Variants in CHTF18 observed in about 807,000 individuals in gnomAD.
The protein encoded by CHTF18 is chromosome transmission fidelity factor 18.
In CHTF18, 151 loss-of-function variants were observed where a neutral mutation model predicts 113.4. The observed-to-expected ratio is 1.33, with a 90% confidence interval of 1.17 to 1.52. The LOEUF (loss-of-function observed/expected upper bound fraction) is 1.52, where lower values mean the gene tolerates loss of function less well. Among genes scored for constraint, CHTF18 ranks in the 40% most tolerant of loss-of-function variants. The pLI, the probability that CHTF18 is intolerant of heterozygous loss-of-function variation, is 0.00. For missense variants in CHTF18, 1,982 were observed against 1,381.6 expected, an observed-to-expected ratio of 1.43 and a Z score of -6.89; for synonymous variants, 916 against 598.8, an observed-to-expected ratio of 1.53 and a Z score of -7.74.
At chr16:790,032 C>A in intron 4 of CHTF18, 145 bp from the exon 5 acceptor site, 1 of 1,535,814 alleles carries the variant, frequency 6.5e-7, no homozygotes, top group Non-Finnish European at 8.7e-7. Flanking sequence ...GGCTTCATTC[C>A]TTTGGCACCC....
At chr16:791,803 G>T (rs370469005) in intron 8 of CHTF18, 48 bp from the exon 9 acceptor site, 6 of 1,553,456 alleles carry the variant, frequency 3.9e-6, no homozygotes, top group Non-Finnish European at 5.2e-6. Flanking sequence ...GGCCGGGAGC[G>T]TCCTGTAGGT....
intron 4 of CHTF18, 168 bp from the exon 5 acceptor site, chr16:790,009 G>C (rs909145888): frequency 6.5e-7 from 1 of 1,535,284 alleles, no homozygotes; most frequent in Non-Finnish European, 8.7e-7. Flanking sequence ...CTTTGCAGCT[G>C]ACCCATCTGG....
intron 4 of CHTF18, 133 bp downstream of exon 4, chr16:789,848 T>A: frequency 2.3e-6 from 3 of 1,329,400 alleles, no homozygotes; most frequent in Non-Finnish European, 3.1e-6. Context: ...AGGGGGAGGC[T>A]GCGTCATGGG....
rs1180528724 is a variant in CHTF18, at chr16:793,380, C to T, written c.1802+106C>T. 9.2e-6 allele frequency: 13 copies of T among 1,417,858 alleles called. 1 individual carries two copies. Among genetic ancestry groups the T allele is most frequent in the African/African-American group, 8.6e-5 (6 of 70,058 alleles). The allele number at this position is 1,417,858 out of a possible 1,614,324, so 87.8% of individuals were successfully genotyped here. A position where few individuals can be genotyped will look rare whatever the true frequency, so the allele number is the denominator to read the frequency against. On this transcript the variant is annotated intron_variant, in intron 14 of 21. Transcript: ENST00000262315. ...TACCTTCGAGGCGGGGACTCAGTGT[C>T]CTGAGCCCGCGGTTGCCTGGTCCAG...
chr16:792,893 C>T lies in CHTF18; in HGVS notation c.1573-73C>T, dbSNP rs1229142207. The T allele has an allele frequency of 3.9e-6, 6 of 1,529,002 alleles. No homozygotes were observed. In the East Asian group the frequency reaches 9.8e-5, roughly 25 times the overall value. The allele number at this position is 1,529,002 out of a possible 1,614,324, so 94.7% of individuals were successfully genotyped here. A position where few individuals can be genotyped will look rare whatever the true frequency, so the allele number is the denominator to read the frequency against. On this transcript the variant is annotated intron_variant, in intron 12 of 21. Transcript: ENST00000262315. The stretch of plus-strand genomic sequence containing the variant: ...TTCTGGCCCCTGTTTCCCTGCCCCT[C>T]CCCATGGAACCCTGGTAACCCCTGA...
chr16:796,742 C>T lies in CHTF18; in HGVS notation c.2482C>T (p.Pro828Ser). 1.2e-6 allele frequency: 2 copies of T among 1,604,738 alleles called. No homozygotes were observed. Among genetic ancestry groups the T allele is most frequent in the Non-Finnish European group, 1.7e-6 (2 of 1,179,400 alleles). The change falls in exon 19 of 22, where the codon CCT (proline) becomes TCT (serine). Residue 828 changes from proline (P) to serine (S), a missense_variant. Physicochemically the swap from Pro to Ser is moderately conservative, Grantham distance 74. Transcript: ENST00000262315. ...EPNVEELCRF[P>S]ELPARKPLTY... ...GAACGTGGAGGAACTCTGCCGCTTC[C>T]CTGAGCTGCCTGCCCGCAAGCCCCT...
At position 788,668 on chromosome 16, in the gene CHTF18, T is replaced by A; in HGVS notation, c.-17T>A. ...GGCGCGGGAGGTTCGGAGCGGGAGC[T>A]CGGGCTCGCGGACGGTATGGAGGAC... On this transcript the variant is annotated 5_prime_UTR_variant, in exon 1 of 22. Transcript: ENST00000262315. 6.6e-7 allele frequency: 1 copy of A among 1,518,408 alleles called. No homozygotes were observed. The highest frequency in any genetic ancestry group is 1.4e-5 in the African/African-American group (1 of 69,538). 94.1% of individuals were successfully genotyped at this position (1,518,408 alleles called of 1,614,324 possible).
chr16:797,158 T>C (rs1475065947), intron 20 of CHTF18, 66 bp downstream of exon 20: 1 of 1,438,526 alleles, frequency 7.0e-7, no homozygotes, highest in African/African-American at 1.4e-5. Flanking sequence ...GCTAGGGCAG[T>C]CATGAGGCGG....
At chr16:790,440 C>G in intron 6 of CHTF18, 41 bp downstream of exon 6, 2 of 1,611,540 alleles carry the variant, frequency 1.2e-6, no homozygotes, top group Non-Finnish European at 1.7e-6. Flanking sequence ...CCCTTGTTGG[C>G]TCTTGCACCA....
intron 15 of CHTF18, 89 bp downstream of exon 15, chr16:794,290 CG>C: frequency 2.1e-6 from 3 of 1,457,714 alleles, no homozygotes; most frequent in Non-Finnish European, 1.9e-6. Context: ...CCCGTATGGA[CG>C]GGGAGGCGCT....
At chr16:791,436 G>A (rs931206342) in intron 8 of CHTF18, 66 bp downstream of exon 8, 24 of 1,497,294 alleles carry the variant, frequency 1.6e-5, no homozygotes, top group Admixed American at 2.1e-5. Context: ...CGGCACCCTT[G>A]CAGCCTGTTG....
At chr16:788,854 G>C in intron 1 of CHTF18, 77 bp from the exon 2 acceptor site, 1 of 1,513,650 alleles carries the variant, frequency 6.6e-7, no homozygotes, top group Non-Finnish European at 8.8e-7. Context: ...CGTGCCGGGG[G>C]CCGAAGGGGC....
chr16:793,194 C>T lies in CHTF18; in HGVS notation c.1722C>T (p.Ala574=), dbSNP rs1373474805. 2 of 1,608,740 alleles carry T rather than the reference C, an allele frequency of 1.2e-6. No homozygotes were observed. Among genetic ancestry groups the T allele is most frequent in the Non-Finnish European group, 1.7e-6 (2 of 1,178,700 alleles). The change falls in exon 14 of 22, where the codon GCC becomes GCT. Residue 574 remains alanine (A), a synonymous_variant. Coordinates refer to ENST00000262315, the MANE Select transcript of CHTF18 (RefSeq NM_022092.3). Reference sequence around the variant, plus strand: ...AGCTGAGCGTGCGGGACGTGCAGGCCACACGCGTGGGCCTCAAGGACCAGC... The same window carrying T: ...AGCTGAGCGTGCGGGACGTGCAGGCTACACGCGTGGGCCTCAAGGACCAGC... ...QRELSVRDVQ[A]TRVGLKDQRR...
At position 793,407 on chromosome 16, in the gene CHTF18, C is replaced by T. The variant is rs1367148241; in HGVS notation, c.1802+133C>T. On this transcript the variant is annotated intron_variant, in intron 14 of 21. Transcript: ENST00000262315. ...TGAGCCCGCGGTTGCCTGGTCCAGC[C>T]TCCAGGGCCCTCCTCAGCCTTTTCC... 1.1e-5 allele frequency: 12 copies of T among 1,139,846 alleles called. No homozygotes were observed. In the Admixed American group the frequency reaches 1.5e-4, roughly 14 times the overall value. 70.6% of individuals were successfully genotyped at this position (1,139,846 alleles called of 1,614,324 possible). A position where few individuals can be genotyped will look rare whatever the true frequency, so the allele number is the denominator to read the frequency against.
rs2042081324 is a variant in CHTF18, at chr16:789,042, C to T, written c.203C>T (p.Ala68Val). 1.3e-6 allele frequency: 2 copies of T among 1,538,948 alleles called. No individual in the cohort carries two copies. Among genetic ancestry groups the T allele is most frequent in the Non-Finnish European group, 1.7e-6 (2 of 1,142,864 alleles). ...RGDAASSPAPAASVGSSQGGA... is the reference protein window; with the variant it reads ...RGDAASSPAPVASVGSSQGGA... Reference sequence around the variant, plus strand: ...GACGCGGCCTCCAGTCCCGCCCCAGCCGCATCTGTGGGCAGCAGCCAGGGC... The same window carrying T: ...GACGCGGCCTCCAGTCCCGCCCCAGTCGCATCTGTGGGCAGCAGCCAGGGC... The change falls in exon 2 of 22, where the codon GCC becomes GTC. Residue 68 changes from alanine (A) to valine (V), a missense_variant. By Grantham distance (64) the Ala-to-Val change is moderately conservative. Coordinates refer to ENST00000262315, the MANE Select transcript of CHTF18 (RefSeq NM_022092.3).
In CHTF18 at chr16:793,186, G is replaced by T. The variant is rs376512999; in HGVS notation, c.1714G>T (p.Val572Leu). 9.9e-6 allele frequency: 16 copies of T among 1,608,218 alleles called. No homozygotes were observed. In the African/African-American group the frequency reaches 2.0e-4, roughly 20 times the overall value. Residue 572 changes from valine to leucine, a missense_variant, in exon 14 of 22, where the codon GTG (valine) becomes TTG (leucine). Physicochemically the swap from Val to Leu is conservative, Grantham distance 32. Coordinates refer to ENST00000262315, the MANE Select transcript of CHTF18 (RefSeq NM_022092.3). ...RGQRELSVRD[V>L]QATRVGLKDQ... ...CCAGCGGGAGCTGAGCGTGCGGGAC[G>T]TGCAGGCCACACGCGTGGGCCTCAA...
Position 794,195 on chromosome 16 carries a change from G to C in CHTF18, c.1944G>C (p.Val648=). 6.2e-7 allele frequency: 1 copy of C among 1,611,076 alleles called. No homozygotes were observed. The highest frequency in any genetic ancestry group is 1.1e-5 in the South Asian group (1 of 91,028). Residue 648 remains valine, a synonymous_variant, in exon 15 of 22, where the codon GTG becomes GTC. Coordinates refer to ENST00000262315, the MANE Select transcript of CHTF18 (RefSeq NM_022092.3). ...CCTCTGCGGGCGAGCACGAGAAGGT[G>C]GTCCAGGTACCTGTCTTCCACCAAA... The part of the protein sequence containing the change: ...AAASAGEHEK[V]VQGLFDNFLR...
Position 793,148 on chromosome 16 carries a change from T to C in CHTF18, c.1676T>C (p.Leu559Pro), listed in dbSNP as rs756828983. The C allele has an allele frequency of 2.5e-6, 4 of 1,601,382 alleles. No individual in the cohort carries two copies. The African/African-American group carries it at 5.4e-5, about 21-fold the overall frequency. Residue 559 changes from leucine to proline, a missense_variant, in exon 14 of 22, where the codon CTG (leucine) becomes CCG (proline). By Grantham distance (98) the Leu-to-Pro change is moderately conservative. Transcript: ENST00000262315. ...ATGCCCCCGCCCTATGTCTAGTTCC[T>C]GTACAGCCGGGGCCAGCGGGAGCTG... ...IRACINTLQF[L>P]YSRGQRELSV... is the part of the protein sequence containing the mutation.
chr16:790,625 G>A lies in CHTF18; in HGVS notation c.853G>A (p.Glu285Lys). The A allele has an allele frequency of 2.5e-6, 4 of 1,588,626 alleles. No individual in the cohort carries two copies. The highest frequency in any genetic ancestry group is 2.3e-5 in the South Asian group (2 of 87,136). ...CTCCAGTCACTGCCTCTGGGTGGAT[G>A]AGTTTGCACCCCGCCACTACACGGA... ...DASSHCLWVD[E>K]FAPRHYTELL... Residue 285 changes from glutamate to lysine, a missense_variant, in exon 7 of 22, where the codon GAG becomes AAG. Glu to Lys is a moderately conservative substitution (Grantham distance 56). Transcript: ENST00000262315.
Sources: allele counts gnomAD v4.1 joint callset, GRCh38; gene constraint gnomAD v4.1.1; transcripts MANE v1.5; gene names NCBI Gene and HGNC (gene_info 2026-07-23, HGNC 2026-07-21).